Variants in ACOT1 observed in about 807,000 individuals in gnomAD.
The protein encoded by ACOT1 is acyl-CoA thioesterase 1, also known as acyl-coenzyme A thioesterase 1.
Under a neutral mutation model 15.7 loss-of-function variants are expected in ACOT1, and 8 were observed. The ratio of observed to expected loss-of-function variants is 0.51; its 90% CI spans 0.30 to 0.92. The LOEUF is 0.92. Ranked by LOEUF, ACOT1 falls within the 40% of genes least tolerant of loss-of-function variation. The probability of loss-of-function intolerance (pLI) is 0.06; values close to 1 mark genes in which losing one functional copy is unlikely to be tolerated. For missense variants in ACOT1, 151 were observed against 539.4 expected (o/e 0.28, Z 7.13); for synonymous variants, 67 against 241.2 (o/e 0.28, Z 6.69).
the ACOT1 span, among the ~76,000 whole-genome samples, chr14:73,501,461 C>T: frequency 6.6e-6 from 1 of 151,852 alleles, no homozygotes; most frequent in South Asian, 2.1e-4. Flanking sequence ...TGCTATGTTG[C>T]CCAGGCTGGT....
the ACOT1 span, among the ~76,000 whole-genome samples, chr14:73,493,552 T>C: frequency 2.6e-5 from 4 of 152,006 alleles, no homozygotes; most frequent in African/African-American, 9.7e-5. Flanking sequence ...AGGAAGAGAC[T>C]CTCAGGCTGG....
the ACOT1 span, chr14:73,491,218 G>A: frequency 6.3e-7 from 1 of 1,594,202 alleles, no homozygotes; most frequent in Non-Finnish European, 8.6e-7. Flanking sequence ...AGGAATCGAG[G>A]GTGGAGTCGA....
the ACOT1 span, chr14:73,523,120 G>T: frequency 2.5e-6 from 4 of 1,605,968 alleles, no homozygotes; most frequent in Non-Finnish European, 3.4e-6. Flanking sequence ...AGCAATGGGG[G>T]AGAAAGGTCT....
At chr14:73,509,595 A>G in the ACOT1 span, 1 of 922,600 alleles carries the variant, frequency 1.1e-6, no homozygotes, top group Non-Finnish European at 1.7e-6. Context: ...AGTGCTATGT[A>G]ATATAATTAC....
the ACOT1 span, chr14:73,500,740 A>T: frequency 6.2e-7 from 1 of 1,610,084 alleles, no homozygotes; most frequent in Non-Finnish European, 8.5e-7. Flanking sequence ...CCTGTAAGGC[A>T]CAAGTTGCTT....
the ACOT1 span, among the ~76,000 whole-genome samples, chr14:73,504,885 G>A: frequency 1.3e-5 from 2 of 152,106 alleles, no homozygotes; most frequent in Admixed American, 1.3e-4. Flanking sequence ...GTGTTGCCTG[G>A]AATTCCCTCT....
chr14:73,504,146 C>T, the ACOT1 span, among the ~76,000 whole-genome samples: 4 of 148,810 alleles, frequency 2.7e-5, no homozygotes, highest in Non-Finnish European at 4.4e-5. Context: ...GGCACGATCT[C>T]GGCTCACTGC....
At chr14:73,533,551 C>T (rs143442359), upstream of ACOT1, among the ~76,000 whole-genome samples, 589 of 113,290 alleles carry the variant, frequency 5.2e-3, 133 homozygotes, top group African/African-American at 0.015. Context: ...TCCTGGTACG[C>T]GCCTGTAGTC....
chr14:73,500,650 T>G, the ACOT1 span: 16 of 1,614,192 alleles, frequency 9.9e-6, no homozygotes, highest in Non-Finnish European at 1.3e-5. Flanking sequence ...TGGGAGAAGC[T>G]TGGCGGTCAT....
At chr14:73,523,013 G>A in the ACOT1 span, 1 of 1,614,040 alleles carries the variant, frequency 6.2e-7, no homozygotes. Context: ...GAAGACCATA[G>A]GCACACTGGA....
intron 1 of ACOT1, chr14:73,539,381 G>T: frequency 7.8e-6 from 1 of 128,568 alleles, no homozygotes; most frequent in South Asian, 2.0e-4. Flanking sequence ...AGTCCCCAAA[G>T]ACCACGGTCT....
At chr14:73,492,986 C>T in the ACOT1 span, 2 of 1,586,250 alleles carry the variant, frequency 1.3e-6, no homozygotes, top group Non-Finnish European at 1.7e-6. This position sits in a 1 kb window ranked among gnomAD's most constrained non-coding sequence, Gnocchi z 4.9. Flanking sequence ...TGATTCTCCG[C>T]TGCCACTGCT....
chr14:73,492,491 G>A, the ACOT1 span: 1 of 1,613,710 alleles, frequency 6.2e-7, no homozygotes, highest in East Asian at 2.2e-5. This position sits in a 1 kb window ranked among gnomAD's most constrained non-coding sequence, Gnocchi z 4.9. Context: ...GGGACACTTT[G>A]CTCCTGTTGA....
the ACOT1 span, among the ~76,000 whole-genome samples, chr14:73,530,787 C>T: frequency 8.1e-5 from 8 of 99,002 alleles, 2 homozygotes; most frequent in Admixed American, 2.4e-4. Flanking sequence ...ACACCACTCT[C>T]GGTTAAATTT....
chr14:73,509,809 CCCATATATAT>C, the ACOT1 span, among the ~76,000 whole-genome samples: 31 of 5,188 alleles, frequency 6.0e-3, no homozygotes, highest in Non-Finnish European at 6.8e-3. Context: ...GCCCCATGAG[CCCATATATAT>C]ATATATATAT....
the ACOT1 span, among the ~76,000 whole-genome samples, chr14:73,516,765 A>G: frequency 6.6e-6 from 1 of 152,188 alleles, no homozygotes; most frequent in Admixed American, 6.5e-5. Flanking sequence ...CAGCAGTGGC[A>G]TTAGAGTCAC....
chr14:73,522,307 C>G, the ACOT1 span: 56 of 1,613,886 alleles, frequency 3.5e-5, no homozygotes, highest in Non-Finnish European at 4.0e-5. Flanking sequence ...CTGGCTTCTT[C>G]TTTTCCTGTG....
At chr14:73,519,350 T>C in the ACOT1 span, among the ~76,000 whole-genome samples, 23 of 152,006 alleles carry the variant, frequency 1.5e-4, no homozygotes, top group East Asian at 4.4e-3. Flanking sequence ...CAGTGATAAA[T>C]CACTATAGTG....
chr14:73,491,111 C>A, the ACOT1 span: 4,920 of 1,606,864 alleles, frequency 3.1e-3, 110 homozygotes, highest in African/African-American at 0.046. Context: ...GGTCCTGGCC[C>A]TGCCCTTGAG....
Sources: gnomAD v4.1 joint callset for allele counts (sites outside exome capture counted in the v4.1 genomes callset) on GRCh38, gnomAD v4.1.1 for gene constraint, Gnocchi (gnomAD v3.1) non-coding constraint, MANE v1.5 for transcripts, NCBI Gene and HGNC (gene_info 2026-07-23, HGNC 2026-07-21) for gene names.